The following PCDHA9 variants were observed in gnomAD, a reference collection of about 807,000 sequenced individuals.
PCDHA9 encodes the protein protocadherin alpha 9.
PCDHA9 carries 62 observed loss-of-function variants against 62.0 expected under a neutral mutation model. The observed-to-expected ratio is 1.00, with a 90% CI of 0.81 to 1.23. The LOEUF (loss-of-function observed/expected upper bound fraction) is 1.23, where lower values mean the gene tolerates loss of function less well. Ranked by LOEUF, PCDHA9 falls within the 50% of genes most tolerant of loss-of-function variation. The probability of loss-of-function intolerance (pLI) is 0.00; values close to 1 mark genes in which losing one functional copy is unlikely to be tolerated. For synonymous variants in PCDHA9, 557 were observed against 567.6 expected, an observed-to-expected ratio of 0.98 and a Z score of 0.27; for missense variants, 1,205 against 1,249.8, an observed-to-expected ratio of 0.96 and a Z score of 0.54.
chr5:140,967,747 A>G (rs782650276), intron 1 of PCDHA9: 36 of 1,614,042 alleles, frequency 2.2e-5, no homozygotes, highest in Non-Finnish European at 3.0e-5. Context: ...ATTATGAGGA[A>G]GCCTCCTCCT....
At chr5:140,968,920 A>G (rs781931367) in intron 1 of PCDHA9, 1 of 1,614,120 alleles carries the variant, frequency 6.2e-7, no homozygotes, top group Admixed American at 1.7e-5. Flanking sequence ...TGTCTTTTAT[A>G]TTTCTTTTGA....
chr5:140,856,885 AT>A lies in PCDHA9; in HGVS notation c.2394+5999del, dbSNP rs781799139. 34 of 1,596,494 alleles carry A rather than the reference AT, an allele frequency of 2.1e-5. 3 individuals carry two copies. Among genetic ancestry groups the A allele is most frequent in the Non-Finnish European group, 2.9e-5 (34 of 1,166,312 alleles). ...GAATAAACAAGGAAATGATGTATTC[AT>A]TTAGCTCTTTGGTCCCACCCACGAT... On this transcript the variant is annotated intron_variant, in intron 1 of 3. Transcript: ENST00000532602.
In PCDHA9 at chr5:140,906,570, T is replaced by C. The variant is rs371493282; in HGVS notation, c.2394+55681T>C. ...TGCAACTGGTTGTGTGGTTCATAGCTGGTATTGATGACTACCTTCCTCTAC... is the reference window on the plus strand; with the variant it reads ...TGCAACTGGTTGTGTGGTTCATAGCCGGTATTGATGACTACCTTCCTCTAC... On this transcript the variant is annotated intron_variant, in intron 1 of 3. Coordinates refer to ENST00000532602, the MANE Select transcript of PCDHA9 (RefSeq NM_031857.2). 1.7e-4 allele frequency among the ~76,000 whole-genome samples: 26 copies of C among 152,230 alleles called. No homozygotes were observed. In the East Asian group the frequency reaches 2.1e-3, roughly 12 times the overall value.
At chr5:140,996,968 C>G (rs1290343779) in intron 3 of PCDHA9, among the ~76,000 whole-genome samples, 1 of 152,132 alleles carries the variant, frequency 6.6e-6, no homozygotes, top group Non-Finnish European at 1.5e-5. Context: ...CAATCCCACT[C>G]CCCTTTGGTG....
chr5:140,882,261 AGTGTACCATGCT>A (rs1554173264), intron 1 of PCDHA9: 1 of 1,604,356 alleles, frequency 6.2e-7, no homozygotes, highest in Non-Finnish European at 8.5e-7. Flanking sequence ...AGGTTTTTGG[AGTGTACCATGCT>A]GTCTTCCTGG....
At position 140,849,922 on chromosome 5, in the gene PCDHA9, C is replaced by A. The variant is rs140735832; in HGVS notation, c.1427C>A (p.Thr476Lys). The stretch of plus-strand genomic sequence containing the variant: ...AACCCGCCGGGCTGCCACATCTTCA[C>A]GGTGTCTGCGCGGGACGCTGACGCG... ...ENNPPGCHIF[T>K]VSARDADAQE... Residue 476 changes from threonine (T) to lysine (K), a missense_variant, in exon 1 of 4, where the codon ACG (threonine) becomes AAG (lysine). This residue lies in a region of PCDHA9 where 887 missense variants were observed against 809.5 expected (regional missense o/e 1.10). Transcript: ENST00000532602. 10 of 1,598,214 alleles carry A rather than the reference C, an allele frequency of 6.3e-6. 1 individual carries two copies. In the South Asian group the frequency reaches 9.9e-5, roughly 16 times the overall value.
chr5:140,967,251 CG>C, intron 1 of PCDHA9: 1 of 1,613,410 alleles, frequency 6.2e-7, no homozygotes, highest in Non-Finnish European at 8.5e-7. Flanking sequence ...GAATCGGTGG[CG>C]CCTGGAGCGC....
In PCDHA9 at chr5:140,884,064, C is replaced by A. The variant is rs150717183; in HGVS notation, c.2394+33175C>A. On this transcript the variant is annotated intron_variant, in intron 1 of 3. Transcript: ENST00000532602. ...GTGGCGAAGGTGCGCGCGGTGGACGCCGATTCGGGCTACAATGCGTGGCTT... is the reference window on the plus strand; with the variant it reads ...GTGGCGAAGGTGCGCGCGGTGGACGACGATTCGGGCTACAATGCGTGGCTT... 2.3e-3 allele frequency: 3,707 copies of A among 1,613,502 alleles called. 15 individuals carry two copies. Among genetic ancestry groups the A allele is most frequent in the Middle Eastern group, 9.0e-3 (54 of 5,970 alleles).
chr5:140,969,389 A>G (rs1554231753), intron 1 of PCDHA9: 8 of 1,592,478 alleles, frequency 5.0e-6, no homozygotes, highest in Admixed American at 1.8e-5. Context: ...ACATCCCCCA[A>G]TATCCTGTGA....
At position 141,000,188 on chromosome 5, in the gene PCDHA9, A is replaced by G. The variant is rs182049578; in HGVS notation, c.2543-9439A>G. 8.6e-3 allele frequency among the ~76,000 whole-genome samples: 1,302 copies of G among 151,928 alleles called. 5 individuals carry two copies. Among genetic ancestry groups the G allele is most frequent in the Middle Eastern group, 0.017 (5 of 294 alleles). ...ATTATTGAGCCAAGGAGTCAATGTG[A>G]GAATAGTTTTTCACCTTCATTATCA... is the stretch of plus-strand genomic sequence containing the variant. On this transcript the variant is annotated intron_variant, in intron 3 of 3. Coordinates refer to ENST00000532602, the MANE Select transcript of PCDHA9 (RefSeq NM_031857.2).
intron 1 of PCDHA9, among the ~76,000 whole-genome samples, chr5:140,974,807 A>T (rs2096641510): frequency 6.6e-6 from 1 of 152,202 alleles, no homozygotes; most frequent in Admixed American, 6.5e-5. Context: ...ATATACTAGA[A>T]GACCAATATG....
chr5:140,902,413 C>T (rs2069433988), intron 1 of PCDHA9, among the ~76,000 whole-genome samples: 1 of 152,014 alleles, frequency 6.6e-6, no homozygotes, highest in African/African-American at 2.4e-5. Context: ...TGTTGAATAA[C>T]AGTGGTGAAA....
chr5:140,868,980 G>A (rs2050777662), intron 1 of PCDHA9: 2 of 1,489,988 alleles, frequency 1.3e-6, no homozygotes, highest in South Asian at 2.8e-5. Flanking sequence ...CCATCATACC[G>A]GATGCCACCG....
chr5:140,912,900 T>A (rs979059809), intron 1 of PCDHA9, among the ~76,000 whole-genome samples: 1 of 152,264 alleles, frequency 6.6e-6, no homozygotes, highest in Non-Finnish European at 1.5e-5. Context: ...ATATGATGTA[T>A]CATATTGATT....
intron 3 of PCDHA9, among the ~76,000 whole-genome samples, chr5:141,005,571 G>A (rs1053042213): frequency 4.0e-5 from 6 of 151,334 alleles, no homozygotes; most frequent in African/African-American, 4.9e-5. Context: ...GCATGGTGGC[G>A]CGTGCCTGTA....
At chr5:140,877,990 T>C in intron 1 of PCDHA9, 1 of 1,127,766 alleles carries the variant, frequency 8.9e-7, no homozygotes. Flanking sequence ...TTTTGAACTT[T>C]TATGTATTTG....
intron 1 of PCDHA9, chr5:140,860,456 A>T (rs2046407427): frequency 6.6e-6 from 1 of 152,196 alleles, no homozygotes; most frequent in Non-Finnish European, 1.5e-5. Context: ...AATTCACGTG[A>T]TAATACAGTT....
Position 140,979,012 on chromosome 5 carries a change from G to A in PCDHA9, c.2453+5G>A, listed in dbSNP as rs2096831231. The A allele has an allele frequency of 1.9e-6, 3 of 1,613,794 alleles. No individual in the cohort carries two copies. Among genetic ancestry groups the A allele is most frequent in the African/African-American group, 2.7e-5 (2 of 74,926 alleles). ...CCTGAGAGCAGGCATGCACAGGTAT[G>A]TATTTCCCTCCTCATTCACTCAGAA... On this transcript the variant is annotated splice_donor_5th_base_variant and intron_variant, in intron 2 of 3. Coordinates refer to ENST00000532602, the MANE Select transcript of PCDHA9 (RefSeq NM_031857.2).
At chr5:140,866,241 A>C (rs1554160141) in intron 1 of PCDHA9, 1 of 152,134 alleles carries the variant, frequency 6.6e-6, no homozygotes, top group African/African-American at 2.4e-5. Context: ...ATATACCAAA[A>C]ATGACACCCT....
Sources: gnomAD v4.1 joint callset for allele counts (sites outside exome capture counted in the v4.1 genomes callset) on GRCh38, gnomAD v4.1.1 for gene constraint, gnomAD v4.1.1 regional missense constraint, MANE v1.5 for transcripts, NCBI Gene and HGNC (gene_info 2026-07-23, HGNC 2026-07-21) for gene names.